Variants in KLRG1 observed in about 807,000 individuals in gnomAD.
KLRG1 encodes killer cell lectin-like receptor subfamily G member 1.
In KLRG1, 16 loss-of-function variants were observed where a neutral mutation model predicts 21.8. That is an observed-to-expected ratio of 0.73 (90% CI 0.50 to 1.11). The LOEUF (loss-of-function observed/expected upper bound fraction) is 1.11. KLRG1 is among the 50% of genes most tolerant of loss of function. The probability of loss-of-function intolerance (pLI) is 0.00; values close to 1 mark genes in which losing one functional copy is unlikely to be tolerated. For synonymous variants in KLRG1, 69 were observed against 75.9 expected (o/e 0.91, Z 0.47); for missense variants, 173 against 218.3 (o/e 0.79, Z 1.31).
the KLRG1 span, among the ~76,000 whole-genome samples, chr12:9,180,567 T>A: frequency 2.0e-5 from 3 of 152,118 alleles, no homozygotes; most frequent in Non-Finnish European, 4.4e-5. Flanking sequence ...CCCTATTTAA[T>A]AAATGGTGCT....
chr12:9,019,419 T>C, the KLRG1 span, among the ~76,000 whole-genome samples: 3 of 152,210 alleles, frequency 2.0e-5, no homozygotes, highest in Non-Finnish European at 4.4e-5. Flanking sequence ...CACTGCTAAG[T>C]ATATACACAA....
the KLRG1 span, chr12:9,069,852 A>G: frequency 1.3e-6 from 2 of 1,584,668 alleles, no homozygotes; most frequent in Non-Finnish European, 1.7e-6. Context: ...TAATAAATAG[A>G]TGAAACCCCT....
chr12:8,980,579 G>A (rs1437680597), intron 1 of KLRG1, among the ~76,000 whole-genome samples: 1 of 152,234 alleles, frequency 6.6e-6, no homozygotes, highest in African/African-American at 2.4e-5. Flanking sequence ...CATGGGACTG[G>A]AGACTTGTGG....
intron 1 of KLRG1, chr12:8,970,503 C>T (rs1233916676): frequency 6.6e-6 from 1 of 152,322 alleles, no homozygotes; most frequent in East Asian, 1.9e-4. Context: ...ACAATGAAAG[C>T]TTTGGGCCCA....
the KLRG1 span, chr12:9,151,744 T>C: frequency 8.2e-7 from 1 of 1,224,022 alleles, no homozygotes; most frequent in Non-Finnish European, 1.2e-6. Context: ...CTAGAGCAGA[T>C]TGTAATAAGG....
chr12:8,975,373 T>C (rs765777292), intron 1 of KLRG1, among the ~76,000 whole-genome samples: 1 of 152,330 alleles, frequency 6.6e-6, no homozygotes, highest in Admixed American at 6.5e-5. Flanking sequence ...TTCTAGTTAT[T>C]CTCAATTCAG....
At chr12:9,060,672 G>T in the KLRG1 span, among the ~76,000 whole-genome samples, 1 of 152,222 alleles carries the variant, frequency 6.6e-6, no homozygotes, top group Non-Finnish European at 1.5e-5. Flanking sequence ...AAACGCAGAT[G>T]TCTGAGCACA....
chr12:9,160,964 C>T, the KLRG1 span: 2 of 1,247,080 alleles, frequency 1.6e-6, no homozygotes, highest in African/African-American at 3.0e-5. Flanking sequence ...AATTCAAATA[C>T]AAATACGTAG....
the KLRG1 span, among the ~76,000 whole-genome samples, chr12:9,054,468 T>C: frequency 6.6e-6 from 1 of 152,274 alleles, no homozygotes; most frequent in East Asian, 1.9e-4. Flanking sequence ...TAGTTGCATG[T>C]ATTTATAGGG....
the KLRG1 span, chr12:9,115,744 G>T: frequency 6.3e-7 from 1 of 1,588,510 alleles, no homozygotes. Flanking sequence ...CATGCTTCAC[G>T]CTCTCTGTGT....
the KLRG1 span, among the ~76,000 whole-genome samples, chr12:9,120,566 T>A: frequency 3.3e-5 from 5 of 152,336 alleles, no homozygotes; most frequent in Non-Finnish European, 7.3e-5. Context: ...CTTATTTAAT[T>A]GTACCAATTG....
chr12:9,018,794 A>G, the KLRG1 span, among the ~76,000 whole-genome samples: 1 of 152,124 alleles, frequency 6.6e-6, no homozygotes, highest in Non-Finnish European at 1.5e-5. Context: ...TGGATTAACA[A>G]CTTAAATAAA....
chr12:9,160,011 G>A, the KLRG1 span: 1 of 1,613,590 alleles, frequency 6.2e-7, no homozygotes, highest in African/African-American at 1.3e-5. Flanking sequence ...TTGTAGTTCA[G>A]CTGTCTCTGG....
chr12:9,072,696 T>A, the KLRG1 span: 1 of 1,614,154 alleles, frequency 6.2e-7, no homozygotes, highest in Non-Finnish European at 8.5e-7. Context: ...CATGCTGTAT[T>A]CCCCAGGCAG....
chr12:8,979,257 A>T (rs1410005980), intron 1 of KLRG1, among the ~76,000 whole-genome samples: 1 of 151,856 alleles, frequency 6.6e-6, no homozygotes, highest in Non-Finnish European at 1.5e-5. Flanking sequence ...ACCTCAGGTG[A>T]TCCATCTGCC....
the KLRG1 span, chr12:9,089,379 G>A: frequency 1.4e-6 from 1 of 713,740 alleles, no homozygotes; most frequent in East Asian, 2.7e-5. Flanking sequence ...AGAAAATTCT[G>A]TACATATAAG....
At chr12:9,099,305 AC>A in the KLRG1 span, 15 of 1,405,664 alleles carry the variant, frequency 1.1e-5, no homozygotes, top group South Asian at 1.8e-4. Context: ...CCTAATGTTC[AC>A]ATGTGTAAAA....
At chr12:9,165,491 C>A in the KLRG1 span, 1 of 1,080,414 alleles carries the variant, frequency 9.3e-7, no homozygotes, top group Non-Finnish European at 1.3e-6. Flanking sequence ...TGCGAGTGTG[C>A]ATTCGTGTGA....
At chr12:8,985,000 A>G (rs1343812619), upstream of KLRG1, among the ~76,000 whole-genome samples, 1 of 152,210 alleles carries the variant, frequency 6.6e-6, no homozygotes, top group Non-Finnish European at 1.5e-5. Flanking sequence ...AGCATCTTAA[A>G]AAATCATGGC....
Sources: gnomAD v4.1 joint callset for allele counts (sites outside exome capture counted in the v4.1 genomes callset) on GRCh38, gnomAD v4.1.1 for gene constraint, MANE v1.5 for transcripts, NCBI Gene and HGNC (gene_info 2026-07-23, HGNC 2026-07-21) for gene names.